CACNA2D1: variants seen among roughly 807,000 people sequenced by gnomAD.
CACNA2D1 encodes the protein voltage-dependent calcium channel subunit alpha-2/delta-1.
Under a neutral mutation model 171.5 loss-of-function variants are expected in CACNA2D1, and 53 were observed. That is an observed-to-expected ratio of 0.31 (90% CI 0.25 to 0.39). The LOEUF is 0.39. Among genes scored for constraint, CACNA2D1 ranks in the 10% least tolerant of loss-of-function variants. The pLI, the probability that CACNA2D1 is intolerant of heterozygous loss-of-function variation, is 1.00. For synonymous variants in CACNA2D1, 442 were observed against 443.1 expected (o/e 1.00, Z 0.03); for missense variants, 903 against 1,299.8 (o/e 0.69, Z 4.69).
At chr7:82,087,023 T>G (rs1208465555) in intron 6 of CACNA2D1, among the ~76,000 whole-genome samples, 1 of 152,154 alleles carries the variant, frequency 6.6e-6, no homozygotes, top group Non-Finnish European at 1.5e-5. Flanking sequence ...AATATTTCTC[T>G]CAAAATGTGT....
chr7:82,155,797 A>AAGAGTATAAAAATTACTGTCTTAATTAT (rs1563130940), intron 4 of CACNA2D1, among the ~76,000 whole-genome samples: 1 of 152,210 alleles, frequency 6.6e-6, no homozygotes, highest in Admixed American at 6.5e-5. Context: ...AGCATGAAGA[A>AAGAGTATAAAAATTACTGTCTTAATTAT]AGAGTATAAA....
chr7:82,052,281 A>G (rs974013834), intron 10 of CACNA2D1, among the ~76,000 whole-genome samples: 2 of 152,196 alleles, frequency 1.3e-5, no homozygotes, highest in Non-Finnish European at 2.9e-5. Flanking sequence ...GGATTCCTGA[A>G]GTTACAAAAG....
chr7:82,163,253 A>C (rs763539810), intron 4 of CACNA2D1, among the ~76,000 whole-genome samples: 11 of 152,206 alleles, frequency 7.2e-5, no homozygotes, highest in Non-Finnish European at 1.6e-4. Flanking sequence ...ATTTTTAAAG[A>C]CTTTCCAAAA....
chr7:82,353,816 G>A (rs988850396), intron 1 of CACNA2D1, among the ~76,000 whole-genome samples: 1 of 152,016 alleles, frequency 6.6e-6, no homozygotes, highest in African/African-American at 2.4e-5. Flanking sequence ...CTATTTCTAT[G>A]CAAAAAGAGA....
chr7:82,093,243 T>C (rs775130028), intron 6 of CACNA2D1, among the ~76,000 whole-genome samples: 1 of 152,150 alleles, frequency 6.6e-6, no homozygotes, highest in Non-Finnish European at 1.5e-5. Context: ...AATAATAGCA[T>C]CTGCATCACA....
At position 82,093,769 on chromosome 7, in the gene CACNA2D1, A is replaced by C. The variant is rs149375063; in HGVS notation, c.527-8869T>G. 1.5e-3 allele frequency among the ~76,000 whole-genome samples: 229 copies of C among 152,298 alleles called. 3 individuals are homozygous for C. The highest frequency in any genetic ancestry group is 0.015 in the East Asian group (76 of 5,182). On this transcript the variant is annotated intron_variant, in intron 6 of 38. Coordinates refer to ENST00000356860, the MANE Select transcript of CACNA2D1 (RefSeq NM_000722.4). ...AAAGAAATGAAATTATATCAGGTCT[A>C]ATAGGCATAACAGACACCACCCACA...
chr7:82,107,586 C>CTTT (rs72498624), intron 6 of CACNA2D1, among the ~76,000 whole-genome samples: 22,077 of 135,306 alleles, frequency 0.16, 2,180 homozygotes, highest in East Asian at 0.31. Flanking sequence ...TGAAAATAAA[C>CTTT]TTTTTTTTTT....
rs571975147 is a variant in CACNA2D1 at position 82,145,228 on chromosome 7, A to T, written c.355-8552T>A. Among the ~76,000 whole-genome samples, 77 of 146,734 alleles carry T rather than the reference A, an allele frequency of 5.2e-4. 1 individual carries two copies. In the South Asian group the frequency reaches 0.015, roughly 29 times the overall value. ...TAGAGACAGTGAATTTTATATATAT[A>T]TAAAATATAAATTATATAAATATAT... is the stretch of plus-strand genomic sequence containing the variant. On this transcript the variant is annotated intron_variant, in intron 4 of 38. Transcript: ENST00000356860.
intron 4 of CACNA2D1, among the ~76,000 whole-genome samples, chr7:82,165,009 A>G (rs528399418): frequency 4.5e-4 from 68 of 152,096 alleles, no homozygotes; most frequent in Non-Finnish European, 7.2e-4. Flanking sequence ...TCCAGACTAA[A>G]CATCAATGAG....
intron 1 of CACNA2D1, among the ~76,000 whole-genome samples, chr7:82,357,864 A>AC (rs1820634605): frequency 6.6e-6 from 1 of 151,418 alleles, no homozygotes; most frequent in Non-Finnish European, 1.5e-5. Context: ...AGTATAATAA[A>AC]AAAAAAAAAA....
Position 82,066,496 on chromosome 7 carries a change from A to G in CACNA2D1, c.687T>C (p.Thr229=), listed in dbSNP as rs1807628376. Residue 229 remains threonine (T), a synonymous_variant, in exon 8 of 39, where the codon ACT becomes ACC. Coordinates refer to ENST00000356860, the MANE Select transcript of CACNA2D1 (RefSeq NM_000722.4). ...CATCATAAAGGTCAATCTTATTTGG[A>G]GTTCTACTATTATCAACCCATGGTG... ...PASPWVDNSR[T]PNKIDLYDVR... is the part of the protein sequence containing the mutation. The G allele has an allele frequency of 6.2e-7, 1 of 1,606,892 alleles. No homozygotes were observed. The highest frequency in any genetic ancestry group is 2.2e-5 in the East Asian group (1 of 44,574).
chr7:82,099,671 G>T (rs1469621313), intron 6 of CACNA2D1, among the ~76,000 whole-genome samples: 1 of 59,484 alleles, frequency 1.7e-5, no homozygotes, highest in African/African-American at 4.9e-5. Context: ...GGATGGTCTC[G>T]ATCTCCTGAC....
intron 3 of CACNA2D1, among the ~76,000 whole-genome samples, chr7:82,279,228 A>T (rs1809759623): frequency 6.6e-6 from 1 of 152,248 alleles, no homozygotes; most frequent in Non-Finnish European, 1.5e-5. Context: ...GTTCTGCAAA[A>T]GTATGTGGAT....
chr7:82,087,350 A>T (rs1218606549), intron 6 of CACNA2D1, among the ~76,000 whole-genome samples: 1 of 152,130 alleles, frequency 6.6e-6, no homozygotes, highest in Non-Finnish European at 1.5e-5. Flanking sequence ...GAGCAGTTTG[A>T]CTGGATCTAC....
rs562250113 is a variant in CACNA2D1 at position 82,398,121 on chromosome 7, A to G, written c.95+45244T>C. On this transcript the variant is annotated intron_variant, in intron 1 of 38. Coordinates refer to ENST00000356860, the MANE Select transcript of CACNA2D1 (RefSeq NM_000722.4). ...ACTCCTTAAACATTTAGACTGTATG[A>G]TGCTAAGATTAAACTACAACTATTA... 2.0e-5 allele frequency among the ~76,000 whole-genome samples: 3 copies of G among 152,354 alleles called. No individual in the cohort carries two copies. In the East Asian group the frequency reaches 5.8e-4, roughly 29 times the overall value.
chr7:82,267,310 C>A (rs550087936), intron 3 of CACNA2D1, among the ~76,000 whole-genome samples: 1 of 152,186 alleles, frequency 6.6e-6, no homozygotes, highest in Admixed American at 6.5e-5. Context: ...ACATTTTGCC[C>A]ATTTTTCTTC....
intron 38 of CACNA2D1, among the ~76,000 whole-genome samples, chr7:81,953,746 T>G (rs1349022727): frequency 6.6e-6 from 1 of 152,118 alleles, no homozygotes; most frequent in African/African-American, 2.4e-5. Context: ...CCAGTTATGA[T>G]TAAGTGTTAA....
intron 4 of CACNA2D1, among the ~76,000 whole-genome samples, chr7:82,145,627 CATATAAAAATTTTAT>C (rs1792933932): frequency 8.5e-6 from 1 of 117,714 alleles, no homozygotes; most frequent in Non-Finnish European, 1.7e-5. Flanking sequence ...TATAAAATTA[CATATAAAAATTTTAT>C]ATGTAAAAAT....
intron 3 of CACNA2D1, among the ~76,000 whole-genome samples, chr7:82,310,768 G>C (rs1366099303): frequency 2.6e-5 from 4 of 151,994 alleles, no homozygotes; most frequent in Non-Finnish European, 5.9e-5. Flanking sequence ...TTTTGTTTTT[G>C]AAATCTTTTA....
Sources: allele counts gnomAD v4.1 joint callset (sites outside exome capture counted in the v4.1 genomes callset), GRCh38; gene constraint gnomAD v4.1.1; transcripts MANE v1.5; gene names NCBI Gene and HGNC (gene_info 2026-07-23, HGNC 2026-07-21).